PCDH15: variants seen among roughly 807,000 people sequenced by gnomAD.
PCDH15 encodes protocadherin-15.
In PCDH15, 129 loss-of-function variants were observed where a neutral mutation model predicts 178.5. That is an observed-to-expected ratio of 0.72 (90% confidence interval 0.63 to 0.84). PCDH15 has a LOEUF of 0.84. Among genes scored for constraint, PCDH15 ranks in the 40% least tolerant of loss-of-function variants. The pLI, the probability that PCDH15 is intolerant of heterozygous loss-of-function variation, is 0.00. For synonymous variants in PCDH15, 800 were observed against 732.0 expected (o/e 1.09, Z -1.50); for missense variants, 2,230 against 2,099.9 (o/e 1.06, Z -1.21).
chr10:54,140,921 AT>A (rs930353376), intron 14 of PCDH15, among the ~76,000 whole-genome samples: 5 of 151,960 alleles, frequency 3.3e-5, no homozygotes, highest in African/African-American at 1.2e-4. Flanking sequence ...TGAACTCGTG[AT>A]CCCCTCTCCT....
chr10:55,276,154 TC>T (rs1842591194), intron 1 of PCDH15, among the ~76,000 whole-genome samples: 1 of 151,052 alleles, frequency 6.6e-6, no homozygotes, highest in African/African-American at 2.4e-5. Context: ...TTTTTAGTTT[TC>T]TACATCACGT....
intron 2 of PCDH15, among the ~76,000 whole-genome samples, chr10:55,075,262 T>C (rs1010370258): frequency 2.5e-4 from 38 of 152,160 alleles, no homozygotes; most frequent in African/African-American, 8.7e-4. Flanking sequence ...TGATTCCTTG[T>C]ATTTGTGTGG....
intron 3 of PCDH15, among the ~76,000 whole-genome samples, chr10:54,448,365 TCC>T (rs2136251061): frequency 1.3e-5 from 2 of 151,784 alleles, no homozygotes; most frequent in South Asian, 4.1e-4. Flanking sequence ...CATTAATCAT[TCC>T]TTAGATGACT....
intron 23 of PCDH15, among the ~76,000 whole-genome samples, chr10:53,944,520 G>T (rs572413256): frequency 1.4e-4 from 22 of 152,132 alleles, no homozygotes; most frequent in African/African-American, 4.1e-4. Flanking sequence ...ATCCATTTAT[G>T]AAAAAAATGC....
chr10:53,810,074 A>C (rs1021156953), intron 37 of PCDH15, among the ~76,000 whole-genome samples: 1 of 152,028 alleles, frequency 6.6e-6, no homozygotes, highest in African/African-American at 2.4e-5. Context: ...ACAAAGTATA[A>C]GAATTTTATA....
intron 14 of PCDH15, among the ~76,000 whole-genome samples, chr10:54,135,484 C>G (rs527848334): frequency 6.6e-6 from 1 of 152,084 alleles, no homozygotes; most frequent in Non-Finnish European, 1.5e-5. Flanking sequence ...TGCAAAGATT[C>G]CCACTTCCGT....
chr10:55,480,571 C>T (rs998044293), intron 2 of PCDH15, among the ~76,000 whole-genome samples: 1 of 151,636 alleles, frequency 6.6e-6, no homozygotes, highest in Non-Finnish European at 1.5e-5. Flanking sequence ...AAAGCCTTTC[C>T]TGCATCTATG....
intron 2 of PCDH15, among the ~76,000 whole-genome samples, chr10:54,647,213 A>T (rs772509823): frequency 2.0e-5 from 3 of 152,110 alleles, no homozygotes; most frequent in Admixed American, 6.6e-5. Flanking sequence ...CTTTGAAGAC[A>T]TTATGCTAAG....
intron 3 of PCDH15, among the ~76,000 whole-genome samples, chr10:54,440,200 T>C (rs548806064): frequency 6.6e-6 from 1 of 152,154 alleles, no homozygotes; most frequent in Non-Finnish European, 1.5e-5. Context: ...CTGTGCTTAA[T>C]GAACGGAGGT....
intron 2 of PCDH15, among the ~76,000 whole-genome samples, chr10:54,534,773 A>AGAGG (rs1410475506): frequency 1.3e-5 from 2 of 152,170 alleles, no homozygotes; most frequent in Non-Finnish European, 2.9e-5. Context: ...AAGCAGCAGG[A>AGAGG]GAGGGACTTT....
intron 8 of PCDH15, among the ~76,000 whole-genome samples, chr10:54,264,819 C>T (rs1160618843): frequency 6.6e-6 from 1 of 151,938 alleles, no homozygotes; most frequent in Non-Finnish European, 1.5e-5. Flanking sequence ...AAAAAATAAC[C>T]AACTTGGAAA....
intron 2 of PCDH15, among the ~76,000 whole-genome samples, chr10:54,932,485 A>G (rs1310221160): frequency 6.6e-6 from 1 of 152,236 alleles, no homozygotes; most frequent in Non-Finnish European, 1.5e-5. Context: ...TGAAAAAGTT[A>G]TAATATGCTA....
chr10:54,757,576 C>T (rs1462551267), intron 1 of PCDH15, among the ~76,000 whole-genome samples: 1 of 145,758 alleles, frequency 6.9e-6, no homozygotes, highest in Non-Finnish European at 1.6e-5. Flanking sequence ...CCACCGCGCC[C>T]GGCCAATTCT....
intron 6 of PCDH15, among the ~76,000 whole-genome samples, chr10:54,340,284 A>G: frequency 6.6e-6 from 1 of 152,152 alleles, no homozygotes; most frequent in South Asian, 2.1e-4. Context: ...TGGCTAATGA[A>G]TGTTTCTCCT....
chr10:54,652,506 T>C (rs2094284764), intron 2 of PCDH15, among the ~76,000 whole-genome samples: 1 of 152,196 alleles, frequency 6.6e-6, no homozygotes, highest in Non-Finnish European at 1.5e-5. Context: ...ATGGGCTAGA[T>C]TGTGTTCCCC....
At chr10:55,347,298 C>A (rs953211617) in intron 2 of PCDH15, among the ~76,000 whole-genome samples, 4 of 151,888 alleles carry the variant, frequency 2.6e-5, no homozygotes, top group Admixed American at 1.3e-4. Context: ...TACTTAAATG[C>A]AAAGCTATAA....
At chr10:54,892,829 C>G (rs912785445) in intron 3 of PCDH15, among the ~76,000 whole-genome samples, 1 of 151,032 alleles carries the variant, frequency 6.6e-6, no homozygotes, top group African/African-American at 2.4e-5. Context: ...CAGGTTCAAG[C>G]AATTCTCTTG....
intron 5 of PCDH15, among the ~76,000 whole-genome samples, chr10:54,362,836 G>A (rs1002136196): frequency 2.0e-5 from 3 of 151,952 alleles, no homozygotes; most frequent in Non-Finnish European, 4.4e-5. Context: ...TTTATAAATA[G>A]ACCGTAATTC....
chr10:53,996,274 G>A (rs61860094), intron 20 of PCDH15, among the ~76,000 whole-genome samples: 3 of 152,070 alleles, frequency 2.0e-5, no homozygotes, highest in African/African-American at 7.2e-5. Context: ...ATGATAAAAG[G>A]AGATTTTCTC....
Sources: gnomAD v4.1 joint callset for allele counts (sites outside exome capture counted in the v4.1 genomes callset) on GRCh38, gnomAD v4.1.1 for gene constraint, MANE v1.5 for transcripts, NCBI Gene and HGNC (gene_info 2026-07-23, HGNC 2026-07-21) for gene names.